The following GRIK1 variants were observed in gnomAD, a reference collection of about 807,000 sequenced individuals.
GRIK1 encodes the protein glutamate ionotropic receptor kainate type subunit 1.
Under a neutral mutation model 105.7 loss-of-function variants are expected in GRIK1, and 69 were observed. That is an observed-to-expected ratio of 0.65 (90% confidence interval 0.54 to 0.80). The LOEUF (loss-of-function observed/expected upper bound fraction) is 0.80. GRIK1 is among the 30% of genes least tolerant of loss of function. GRIK1 has a pLI of 0.00. For synonymous variants in GRIK1, 438 were observed against 431.3 expected, an observed-to-expected ratio of 1.02 and a Z score of -0.19; for missense variants, 1,109 against 1,167.3, an observed-to-expected ratio of 0.95 and a Z score of 0.73.
rs112048790 is a variant in GRIK1, at chr21:29,803,413, C to T, written c.119-109350G>A. Among the ~76,000 whole-genome samples, 259 of 152,270 alleles carry T rather than the reference C, an allele frequency of 1.7e-3. 1 individual carries two copies. The highest frequency in any genetic ancestry group is 2.8e-3 in the Non-Finnish European group (193 of 68,010). On this transcript the variant is annotated intron_variant, in intron 1 of 17. Coordinates refer to ENST00000327783, the MANE Select transcript of GRIK1 (RefSeq NM_001330994.2). ...TAAGCAAATGAACATGTCACCATTACATTCTTTACATTTCCTGCCTCTTAT... is the reference window on the plus strand; with the variant it reads ...TAAGCAAATGAACATGTCACCATTATATTCTTTACATTTCCTGCCTCTTAT...
chr21:29,658,788 T>C (rs1292471369), intron 4 of GRIK1, among the ~76,000 whole-genome samples: 1 of 152,216 alleles, frequency 6.6e-6, no homozygotes, highest in Non-Finnish European at 1.5e-5. Context: ...TTGCATTTCC[T>C]AGTCCCTTGG....
chr21:29,892,719 A>G (rs1020105927), intron 1 of GRIK1, among the ~76,000 whole-genome samples: 2 of 152,214 alleles, frequency 1.3e-5, no homozygotes, highest in Non-Finnish European at 2.9e-5. Context: ...GCCCTTAGAG[A>G]AATCAGGATG....
At chr21:29,934,617 T>C (rs1397582047) in intron 1 of GRIK1, among the ~76,000 whole-genome samples, 2 of 152,200 alleles carry the variant, frequency 1.3e-5, no homozygotes, top group African/African-American at 2.4e-5. Context: ...ACTTATACTG[T>C]GTGTACTTGG....
chr21:29,632,601 G>C (rs569197568), intron 7 of GRIK1, among the ~76,000 whole-genome samples: 1 of 152,026 alleles, frequency 6.6e-6, no homozygotes, highest in South Asian at 2.1e-4. Context: ...TGTGTAAAAT[G>C]ATATTCATCT....
rs572158492 is a variant in GRIK1, at chr21:29,743,620, G to A, written c.119-49557C>T. On this transcript the variant is annotated intron_variant, in intron 1 of 17. Transcript: ENST00000327783. ...TGAGGTAGGAGAATCACTTGAACCC[G>A]GGAGGCAAATGTTGCAGTGAGCTGA... Among the ~76,000 whole-genome samples, 29 of 152,182 alleles carry A rather than the reference G, an allele frequency of 1.9e-4. No individual in the cohort carries two copies. In the East Asian group the frequency reaches 3.1e-3, roughly 16 times the overall value.
At position 29,587,480 on chromosome 21, in the gene GRIK1, G is replaced by C. The variant is rs1165801453; in HGVS notation, c.1679C>G (p.Pro560Arg). 1.4e-5 allele frequency: 22 copies of C among 1,613,142 alleles called. No individual in the cohort carries two copies. The highest frequency in any genetic ancestry group is 1.6e-5 in the Non-Finnish European group (19 of 1,179,138). The change falls in exon 12 of 18, where the codon CCC (proline) becomes CGC (arginine). Residue 560 changes from proline to arginine, a missense_variant. Pro to Arg is a moderately radical substitution (Grantham distance 103, BLOSUM62 -2). Coordinates refer to ENST00000327783, the MANE Select transcript of GRIK1 (RefSeq NM_001330994.2). Reference protein sequence around the residue: ...TLGISILYRKPNGTNPGVFSF... With the variant: ...TLGISILYRKRNGTNPGVFSF... ...GAAAACGCCTGGATTGGTACCATTG[G>C]GCTTCCGGTAGAGAATGCTGATGCC...
intron 1 of GRIK1, among the ~76,000 whole-genome samples, chr21:29,735,594 T>G (rs2064769014): frequency 6.6e-6 from 1 of 152,102 alleles, no homozygotes; most frequent in Non-Finnish European, 1.5e-5. Flanking sequence ...AGTCTGTGTG[T>G]AACCAAAAGT....
At chr21:29,666,503 A>G (rs1208633777) in intron 4 of GRIK1, among the ~76,000 whole-genome samples, 1 of 152,226 alleles carries the variant, frequency 6.6e-6, no homozygotes, top group Non-Finnish European at 1.5e-5. Flanking sequence ...TACACTTGTT[A>G]CATTCATTTT....
At chr21:29,638,816 G>A (rs1185077426) in intron 7 of GRIK1, among the ~76,000 whole-genome samples, 1 of 152,128 alleles carries the variant, frequency 6.6e-6, no homozygotes, top group Non-Finnish European at 1.5e-5. Context: ...TCATTTGATG[G>A]TAGCTATCCT....
At position 29,561,828 on chromosome 21, in the gene GRIK1, C is replaced by G. The variant is rs1185432724; in HGVS notation, c.2152G>C (p.Glu718Gln). ...FFKKSKISTY[E>Q]KMWAFMSSRQ... The stretch of plus-strand genomic sequence containing the variant: ...CTGCTCATGAAAGCCCACATCTTCT[C>G]ATAGGTGGAGATTTTTGATTTCTGG... Residue 718 changes from glutamate (E) to glutamine (Q), a missense_variant, in exon 15 of 18, where the codon GAG becomes CAG. Glu to Gln is a conservative substitution (Grantham distance 29). This residue lies in a region of GRIK1 where 264 missense variants were observed against 306.9 expected (regional missense o/e 0.86). Coordinates refer to ENST00000327783, the MANE Select transcript of GRIK1 (RefSeq NM_001330994.2). 1 of 1,612,800 alleles carries G rather than the reference C, an allele frequency of 6.2e-7. No homozygotes were observed. Among genetic ancestry groups the G allele is most frequent in the African/African-American group, 1.3e-5 (1 of 74,876 alleles).
At chr21:29,584,182 C>T (rs2091081175) in intron 12 of GRIK1, among the ~76,000 whole-genome samples, 1 of 152,132 alleles carries the variant, frequency 6.6e-6, no homozygotes. Context: ...GCTGAGAATG[C>T]ACAGTAGGCT....
Position 29,587,403 on chromosome 21 carries a change from A to G in GRIK1, c.1756T>C (p.Cys586Arg). The part of the protein sequence containing the change: ...PDIWMYVLLA[C>R]LGVSCVLFVI... The stretch of plus-strand genomic sequence containing the variant: ...AAGAGTACACAGCTGACTCCCAAGC[A>G]GGCTAAGAGCACATACATCCAAATA... Residue 586 changes from cysteine to arginine, a missense_variant, in exon 12 of 18, where the codon TGC (cysteine) becomes CGC (arginine). Cys to Arg is a radical substitution (Grantham distance 180). Coordinates refer to ENST00000327783, the MANE Select transcript of GRIK1 (RefSeq NM_001330994.2). The G allele has an allele frequency of 6.2e-7, 1 of 1,613,600 alleles. No homozygotes were observed. Among genetic ancestry groups the G allele is most frequent in the East Asian group, 2.2e-5 (1 of 44,870 alleles).
At position 29,537,889 on chromosome 21, in the gene GRIK1, TAAAAA is replaced by T; in HGVS notation, c.2608-10_2608-6del. 9.7e-7 allele frequency: 1 copy of T among 1,029,846 alleles called. No individual in the cohort carries two copies. Among genetic ancestry groups the T allele is most frequent in the South Asian group, 1.6e-5 (1 of 64,194 alleles). The allele number at this position is 1,029,846 out of a possible 1,614,324, so 63.8% of individuals were successfully genotyped here. On this transcript the variant is annotated splice_polypyrimidine_tract_variant and splice_region_variant and intron_variant, in intron 16 of 17. Coordinates refer to ENST00000327783, the MANE Select transcript of GRIK1 (RefSeq NM_001330994.2). ...AATTCTTGATGACTTTCCTTTCTGA[TAAAAA>T]AAAAAGAAAAAAAAACAATTTTAAA... is the stretch of plus-strand genomic sequence containing the variant.
rs573559921 is a variant in GRIK1, at chr21:29,777,198, G to A, written c.119-83135C>T. On this transcript the variant is annotated intron_variant, in intron 1 of 17. Coordinates refer to ENST00000327783, the MANE Select transcript of GRIK1 (RefSeq NM_001330994.2). ...GTCAGTACTGGGTGACTCTCGTGAG[G>A]ATTGGGGTTCACCTAGAGGGAAGTG... 3.1e-3 allele frequency among the ~76,000 whole-genome samples: 470 copies of A among 152,276 alleles called. 1 individual carries two copies. The highest frequency in any genetic ancestry group is 5.6e-3 in the Non-Finnish European group (382 of 68,016).
chr21:29,652,706 G>C (rs2062763451), intron 5 of GRIK1, among the ~76,000 whole-genome samples: 1 of 152,112 alleles, frequency 6.6e-6, no homozygotes, highest in South Asian at 2.1e-4. Flanking sequence ...CATTTCAGAA[G>C]AAACTCAACT....
intron 1 of GRIK1, among the ~76,000 whole-genome samples, chr21:29,727,282 T>C (rs1419160027): frequency 1.3e-5 from 2 of 152,226 alleles, no homozygotes; most frequent in Admixed American, 1.3e-4. Flanking sequence ...TAGGGATTTA[T>C]ATAAACTATT....
intron 7 of GRIK1, among the ~76,000 whole-genome samples, chr21:29,615,618 C>G (rs1229880742): frequency 2.0e-5 from 3 of 152,142 alleles, no homozygotes; most frequent in East Asian, 3.9e-4. Context: ...CCCACTATTC[C>G]TTTTACAACT....
At chr21:29,908,329 C>T (rs991080154) in intron 1 of GRIK1, among the ~76,000 whole-genome samples, 1 of 152,138 alleles carries the variant, frequency 6.6e-6, no homozygotes, top group Non-Finnish European at 1.5e-5. Context: ...CCATCTTCTA[C>T]TGTGACCTTT....
At chr21:29,867,340 G>C (rs1227783023) in intron 1 of GRIK1, among the ~76,000 whole-genome samples, 1 of 152,002 alleles carries the variant, frequency 6.6e-6, no homozygotes, top group Non-Finnish European at 1.5e-5. Flanking sequence ...ATAGAACAAA[G>C]TGAAGAAAAA....
Sources: allele counts gnomAD v4.1 joint callset (sites outside exome capture counted in the v4.1 genomes callset), GRCh38; gene constraint gnomAD v4.1.1; regional missense constraint gnomAD v4.1.1; transcripts MANE v1.5; gene names NCBI Gene and HGNC (gene_info 2026-07-23, HGNC 2026-07-21).